SEMA3D: variants seen among roughly 807,000 people sequenced by gnomAD.
SEMA3D encodes the protein semaphorin-3D.
Under a neutral mutation model 100.1 loss-of-function variants are expected in SEMA3D, and 84 were observed. The ratio of observed to expected loss-of-function variants is 0.84; its 90% CI spans 0.70 to 1.01. SEMA3D has a LOEUF of 1.01. Ranked by LOEUF, SEMA3D falls within the 50% of genes least tolerant of loss-of-function variation. SEMA3D has a pLI of 0.00. For synonymous variants in SEMA3D, 312 were observed against 320.7 expected (o/e 0.97, Z 0.29); for missense variants, 875 against 934.1 (o/e 0.94, Z 0.82).
At chr7:85,160,470 TC>T (rs1173091039) in intron 1 of SEMA3D, among the ~76,000 whole-genome samples, 1 of 152,156 alleles carries the variant, frequency 6.6e-6, no homozygotes, top group Non-Finnish European at 1.5e-5. Flanking sequence ...AACTGAGATT[TC>T]CACGATGGAA....
chr7:85,025,736 T>G (rs1184693815), intron 12 of SEMA3D, among the ~76,000 whole-genome samples: 1 of 152,040 alleles, frequency 6.6e-6, no homozygotes, highest in Non-Finnish European at 1.5e-5. Flanking sequence ...AATGCAAATG[T>G]AACAGTTGCC....
chr7:85,078,680 T>C (rs1787959641), intron 5 of SEMA3D, among the ~76,000 whole-genome samples: 1 of 152,206 alleles, frequency 6.6e-6, no homozygotes, highest in South Asian at 2.1e-4. Flanking sequence ...AGTGGAATAG[T>C]TCCCTTTTGT....
At chr7:85,210,532 G>A in the SEMA3D span, among the ~76,000 whole-genome samples, 1 of 151,904 alleles carries the variant, frequency 6.6e-6, no homozygotes, top group Non-Finnish European at 1.5e-5. Flanking sequence ...TCAAAGCATA[G>A]GTCTGAAATG....
intron 1 of SEMA3D, among the ~76,000 whole-genome samples, chr7:85,175,079 G>A (rs1357276852): frequency 6.6e-6 from 1 of 152,138 alleles, no homozygotes; most frequent in African/African-American, 2.4e-5. Flanking sequence ...AAGAATGATT[G>A]TTCATTGACA....
chr7:85,021,735 G>A (rs1437049471), intron 13 of SEMA3D, among the ~76,000 whole-genome samples: 1 of 151,624 alleles, frequency 6.6e-6, no homozygotes, highest in Non-Finnish European at 1.5e-5. Context: ...AATGATACAT[G>A]TTATCTTTAC....
chr7:85,179,453 C>A (rs182610983), intron 1 of SEMA3D, among the ~76,000 whole-genome samples: 284 of 152,290 alleles, frequency 1.9e-3, no homozygotes, highest in Middle Eastern at 0.01. Flanking sequence ...CATTTTGGAA[C>A]TTTAAGGTTT....
chr7:85,120,272 A>G (rs1244147267), intron 3 of SEMA3D, among the ~76,000 whole-genome samples: 1 of 152,166 alleles, frequency 6.6e-6, no homozygotes, highest in Non-Finnish European at 1.5e-5. Context: ...ACCTTACCAA[A>G]ACTGTTAATG....
intron 6 of SEMA3D, among the ~76,000 whole-genome samples, chr7:85,068,512 A>G (rs1791688196): frequency 6.6e-6 from 1 of 152,082 alleles, no homozygotes; most frequent in African/African-American, 2.4e-5. Flanking sequence ...TACTGAGTGA[A>G]TTTTTCAAAT....
chr7:85,113,655 C>A (rs546623927), intron 3 of SEMA3D, among the ~76,000 whole-genome samples: 9 of 151,130 alleles, frequency 6.0e-5, no homozygotes, highest in Non-Finnish European at 1.2e-4. Context: ...CCAGTAGTCC[C>A]AGCTATTCGG....
chr7:85,104,481 A>G (rs1788849238), intron 3 of SEMA3D, among the ~76,000 whole-genome samples: 1 of 152,092 alleles, frequency 6.6e-6, no homozygotes, highest in Non-Finnish European at 1.5e-5. Flanking sequence ...TATTTGAAAT[A>G]GTTTTGTTCT....
At chr7:85,213,257 G>A in the SEMA3D span, among the ~76,000 whole-genome samples, 2 of 151,788 alleles carry the variant, frequency 1.3e-5, no homozygotes, top group South Asian at 4.1e-4. Context: ...ATTAAAAATT[G>A]TCTCTATTTG....
chr7:85,048,634 C>T (rs1791074139), intron 9 of SEMA3D, among the ~76,000 whole-genome samples: 1 of 151,796 alleles, frequency 6.6e-6, no homozygotes, highest in Admixed American at 6.6e-5. Context: ...CCCTTTTTAG[C>T]CTGTGGGTTT....
At chr7:85,183,329 T>C (rs778394544) in intron 1 of SEMA3D, among the ~76,000 whole-genome samples, 11 of 152,194 alleles carry the variant, frequency 7.2e-5, no homozygotes, top group Non-Finnish European at 1.3e-4. Context: ...CTGGAGACTA[T>C]GAAACTTCTT....
chr7:85,033,126 A>G (rs1790591169), intron 12 of SEMA3D, among the ~76,000 whole-genome samples: 1 of 152,248 alleles, frequency 6.6e-6, no homozygotes, highest in South Asian at 2.1e-4. Flanking sequence ...GAAAGTAAAA[A>G]TTAAGTATTT....
At chr7:85,224,831 T>C in the SEMA3D span, among the ~76,000 whole-genome samples, 1 of 151,938 alleles carries the variant, frequency 6.6e-6, no homozygotes, top group Admixed American at 6.6e-5. Context: ...CCTTGCTTTA[T>C]ACTGATAAGC....
At position 85,013,084 on chromosome 7, in the gene SEMA3D, C is replaced by T. The variant is rs73713919; in HGVS notation, c.1704-238G>A. Among the ~76,000 whole-genome samples the T allele has an allele frequency of 8.5e-4, 129 of 151,766 alleles. 1 individual carries two copies. The highest frequency in any genetic ancestry group is 3.0e-3 in the African/African-American group (123 of 41,430). On this transcript the variant is annotated intron_variant, in intron 16 of 18. Transcript: ENST00000284136. ...AGATGACATGAATTTTATTTAACTA[C>T]GCTTCTTTTTCTCTATTTTTTTCAC...
At chr7:85,177,012 C>T (rs148277067) in intron 1 of SEMA3D, among the ~76,000 whole-genome samples, 341 of 152,176 alleles carry the variant, frequency 2.2e-3, no homozygotes, top group African/African-American at 7.7e-3. Flanking sequence ...TAGTAGCATG[C>T]TGTATAGATT....
chr7:85,029,982 AT>A (rs1044917625), intron 12 of SEMA3D, among the ~76,000 whole-genome samples: 12 of 152,098 alleles, frequency 7.9e-5, no homozygotes, highest in African/African-American at 2.6e-4. Context: ...CCACCCCTGA[AT>A]AAAAAAAAAG....
intron 8 of SEMA3D, among the ~76,000 whole-genome samples, chr7:85,056,165 T>A (rs1203020944): frequency 1.3e-5 from 2 of 152,086 alleles, no homozygotes; most frequent in Non-Finnish European, 2.9e-5. Context: ...TCTTTCTATA[T>A]AATGGAGTTT....
Sources: gnomAD v4.1 joint callset for allele counts (sites outside exome capture counted in the v4.1 genomes callset) on GRCh38, gnomAD v4.1.1 for gene constraint, MANE v1.5 for transcripts, NCBI Gene and HGNC (gene_info 2026-07-23, HGNC 2026-07-21) for gene names.